The following ZNF280B variants were observed in gnomAD, a reference collection of about 807,000 sequenced individuals.
ZNF280B encodes suppressor of hairy wing homolog 2.
ZNF280B carries 16 observed loss-of-function variants against 38.0 expected under a neutral mutation model. That is an observed-to-expected ratio of 0.42 (90% CI 0.28 to 0.64). The LOEUF (loss-of-function observed/expected upper bound fraction) is 0.64, where lower values mean the gene tolerates loss of function less well. Ranked by LOEUF, ZNF280B falls within the 30% of genes least tolerant of loss-of-function variation. ZNF280B has a pLI of 0.21. For missense variants in ZNF280B, 581 were observed against 639.6 expected (o/e 0.91, Z 0.99); for synonymous variants, 253 against 230.6 (o/e 1.10, Z -0.88).
intron 3 of ZNF280B, among the ~76,000 whole-genome samples, chr22:22,491,658 C>T (rs996389836): frequency 3.3e-5 from 5 of 151,770 alleles, no homozygotes; most frequent in African/African-American, 1.2e-4. Flanking sequence ...CGGAGTTTCA[C>T]TGTGTTGGCC....
At chr22:22,490,141 T>C (rs1569175507) in intron 3 of ZNF280B, among the ~76,000 whole-genome samples, 2 of 151,994 alleles carry the variant, frequency 1.3e-5, no homozygotes, top group Non-Finnish European at 2.9e-5. Context: ...TCCCAACTCA[T>C]GGCCTTAATT....
Position 22,487,071 on chromosome 22 carries a change from C to CT in ZNF280B, c.*695dup, listed in dbSNP as rs2061511214. ...TGCATGGAAAAAGCTGTAAAGAAAA[C>CT]TAAGTATTTCAAAAATTCTATGAAT... On this transcript the variant is annotated 3_prime_UTR_variant, in exon 4 of 4. Transcript: ENST00000626650. 6.6e-6 allele frequency: 1 copy of CT among 151,880 alleles called. No homozygotes were observed. Among genetic ancestry groups the CT allele is most frequent in the East Asian group, 2.0e-4 (1 of 5,102 alleles). The allele number at this position is 151,880 out of a possible 1,614,324, so 9.4% of individuals were successfully genotyped here.
At chr22:22,506,338 C>A (rs2146867458) in intron 2 of ZNF280B, among the ~76,000 whole-genome samples, 1 of 151,726 alleles carries the variant, frequency 6.6e-6, no homozygotes, top group Middle Eastern at 3.5e-3. Flanking sequence ...TTATTCACAG[C>A]CATTCAGGTG....
intron 2 of ZNF280B, among the ~76,000 whole-genome samples, chr22:22,503,901 G>C (rs16989163): frequency 0.026 from 3,929 of 151,836 alleles, 158 homozygotes; most frequent in African/African-American, 0.087. Flanking sequence ...TATGTAACTT[G>C]GGTCTCTGCG....
At position 22,508,672 on chromosome 22, in the gene ZNF280B, C is replaced by G. The variant is rs2061991778; in HGVS notation, c.-261G>C. ...CCCCGTCCTTACCAGTCCGGATCAG[C>G]TGCTGTTCGCGAGCTGCCGGCCACG... On this transcript the variant is annotated 5_prime_UTR_variant, in exon 1 of 4. Transcript: ENST00000626650. The G allele has an allele frequency of 6.6e-6, 1 of 151,958 alleles. No homozygotes were observed. Among genetic ancestry groups the G allele is most frequent in the Non-Finnish European group, 1.5e-5 (1 of 68,038 alleles). 9.4% of individuals were successfully genotyped at this position (151,958 alleles called of 1,614,324 possible). A position where few individuals can be genotyped will look rare whatever the true frequency, so the allele number is the denominator to read the frequency against.
At chr22:22,501,724 A>T (rs907268054) in intron 2 of ZNF280B, among the ~76,000 whole-genome samples, 2 of 151,594 alleles carry the variant, frequency 1.3e-5, no homozygotes, top group Non-Finnish European at 2.9e-5. Flanking sequence ...CAAAAAATTT[A>T]AAAACACAGG....
At chr22:22,502,456 T>G (rs377571956) in intron 2 of ZNF280B, among the ~76,000 whole-genome samples, 58 of 152,010 alleles carry the variant, frequency 3.8e-4, no homozygotes, top group African/African-American at 1.4e-3. Context: ...CCCAAGAGAA[T>G]TGAAAATATA....
intron 3 of ZNF280B, among the ~76,000 whole-genome samples, chr22:22,490,424 A>C (rs1250894408): frequency 1.3e-5 from 2 of 151,998 alleles, no homozygotes; most frequent in African/African-American, 4.8e-5. Flanking sequence ...ACTACTCTCC[A>C]CTATCCACTT....
chr22:22,492,330 C>G (rs749534893), intron 3 of ZNF280B, among the ~76,000 whole-genome samples: 2 of 151,880 alleles, frequency 1.3e-5, no homozygotes, highest in Admixed American at 6.6e-5. Flanking sequence ...CCAGTGTTTC[C>G]TAAGCATTAC....
intron 2 of ZNF280B, among the ~76,000 whole-genome samples, chr22:22,498,487 A>G (rs998319441): frequency 6.6e-6 from 1 of 151,920 alleles, no homozygotes; most frequent in African/African-American, 2.4e-5. Context: ...TAGATGAAAC[A>G]AATTCCTAGA....
intron 2 of ZNF280B, among the ~76,000 whole-genome samples, chr22:22,506,192 T>C (rs968044164): frequency 1.3e-5 from 2 of 151,716 alleles, no homozygotes; most frequent in Non-Finnish European, 2.9e-5. Flanking sequence ...CTTCAGTATG[T>C]AGCATTATTT....
chr22:22,501,827 T>C (rs916557441), intron 2 of ZNF280B, among the ~76,000 whole-genome samples: 1 of 151,720 alleles, frequency 6.6e-6, no homozygotes, highest in Non-Finnish European at 1.5e-5. Flanking sequence ...TTGTACAACA[T>C]AGTGAGACCC....
chr22:22,491,218 G>T (rs536342710), intron 3 of ZNF280B, among the ~76,000 whole-genome samples: 5 of 151,376 alleles, frequency 3.3e-5, no homozygotes, highest in African/African-American at 4.9e-5. Context: ...AGAAGATTAT[G>T]CTCCATTAAT....
rs1378885707 is a variant in ZNF280B, at chr22:22,486,285, TTCAG to T, written c.*1478_*1481del. The T allele has an allele frequency of 5.2e-5, 8 of 152,412 alleles. No homozygotes were observed. The East Asian group carries it at 1.6e-3, about 30-fold the overall frequency. 9.4% of individuals were successfully genotyped at this position (152,412 alleles called of 1,614,324 possible). On this transcript the variant is annotated 3_prime_UTR_variant, in exon 4 of 4. Coordinates refer to ENST00000626650, the MANE Select transcript of ZNF280B (RefSeq NM_080764.4). ...AATATAAAGCCATTATGGGTTTAAATTCAGTCAGTCACCCTGGGCTATTTTTGTC... is the reference window on the plus strand; with the variant it reads ...AATATAAAGCCATTATGGGTTTAAATTCAGTCACCCTGGGCTATTTTTGTC...
At chr22:22,506,627 G>T (rs184209608) in intron 2 of ZNF280B, among the ~76,000 whole-genome samples, 3 of 151,724 alleles carry the variant, frequency 2.0e-5, no homozygotes, top group African/African-American at 7.3e-5. Flanking sequence ...CATCAAAAAC[G>T]AGATCTTTAA....
At chr22:22,498,793 C>CTTTTTTTT (rs60940298) in intron 2 of ZNF280B, among the ~76,000 whole-genome samples, 2,263 of 83,574 alleles carry the variant, frequency 0.027, 93 homozygotes, top group East Asian at 0.069. Context: ...GGCCAATATC[C>CTTTTTTTT]TTTTTTTTTT....
chr22:22,503,884 G>A (rs1396268901), intron 2 of ZNF280B, among the ~76,000 whole-genome samples: 1 of 151,914 alleles, frequency 6.6e-6, no homozygotes, highest in Non-Finnish European at 1.5e-5. Flanking sequence ...GTCCTATCAT[G>A]ACTCCCTATG....
chr22:22,488,844 G>C lies in ZNF280B; in HGVS notation c.555C>G (p.Pro185=), dbSNP rs763113669. 1.1e-5 allele frequency: 17 copies of C among 1,613,654 alleles called. No individual in the cohort carries two copies. The East Asian group carries it at 3.6e-4, about 34-fold the overall frequency. Residue 185 remains proline, a synonymous_variant, in exon 4 of 4, where the codon CCC becomes CCG. Transcript: ENST00000626650. The part of the protein sequence containing the change: ...LSTFEVNSIN[P]KRAKLRDGII... ...TTCCATCCCTGAGTTTAGCCCTTTTGGGATTTATGCTGTTTACTTCGAAAG... is the reference window on the plus strand; with the variant it reads ...TTCCATCCCTGAGTTTAGCCCTTTTCGGATTTATGCTGTTTACTTCGAAAG...
intron 2 of ZNF280B, among the ~76,000 whole-genome samples, chr22:22,498,164 T>C (rs1044307485): frequency 4.6e-5 from 7 of 151,938 alleles, no homozygotes; most frequent in Non-Finnish European, 5.9e-5. Flanking sequence ...AATCCATAGA[T>C]ATTAAACAAA....
Sources: gnomAD v4.1 joint callset for allele counts (sites outside exome capture counted in the v4.1 genomes callset) on GRCh38, gnomAD v4.1.1 for gene constraint, MANE v1.5 for transcripts, NCBI Gene and HGNC (gene_info 2026-07-23, HGNC 2026-07-21) for gene names.